Variants in NAV2 observed in about 807,000 individuals in gnomAD.
NAV2 encodes neuron navigator 2, also known as helicase, APC down-regulated 1.
Under a neutral mutation model 223.2 loss-of-function variants are expected in NAV2, and 54 were observed. That is an observed-to-expected ratio of 0.24 (90% confidence interval 0.19 to 0.30). The LOEUF (loss-of-function observed/expected upper bound fraction) is 0.30. Ranked by LOEUF, NAV2 falls within the 10% of genes least tolerant of loss-of-function variation. NAV2 has a pLI of 1.00. For missense variants in NAV2, 2,806 were observed against 3,147.5 expected (o/e 0.89, Z 2.60); for synonymous variants, 1,279 against 1,239.3 (o/e 1.03, Z -0.67).
At chr11:19,529,372 GTACAGCTGCTCC>G (rs1435835854) in intron 1 of NAV2, among the ~76,000 whole-genome samples, 1 of 152,186 alleles carries the variant, frequency 6.6e-6, no homozygotes, top group Non-Finnish European at 1.5e-5. Flanking sequence ...AGTGCTGGGG[GTACAGCTGCTCC>G]CTGAGAGAGT....
chr11:19,744,579 A>T (rs2053172299), intron 1 of NAV2, among the ~76,000 whole-genome samples: 1 of 151,910 alleles, frequency 6.6e-6, no homozygotes, highest in Non-Finnish European at 1.5e-5. Flanking sequence ...TTTTTTTTAA[A>T]GATTTGTGAC....
intron 1 of NAV2, among the ~76,000 whole-genome samples, chr11:19,566,037 A>ATTT (rs1185960322): frequency 2.5e-4 from 13 of 51,100 alleles, no homozygotes; most frequent in Non-Finnish European, 6.0e-4. Flanking sequence ...AGGAGATTTT[A>ATTT]TTTTATTTTA....
chr11:19,907,011 A>G (rs1032832398), intron 6 of NAV2, among the ~76,000 whole-genome samples: 3 of 152,150 alleles, frequency 2.0e-5, no homozygotes, highest in Non-Finnish European at 4.4e-5. Context: ...TGTGGCTTTG[A>G]TGGGTCATTT....
intron 11 of NAV2, among the ~76,000 whole-genome samples, chr11:20,035,530 A>G (rs2056263519): frequency 6.6e-6 from 1 of 152,148 alleles, no homozygotes; most frequent in Admixed American, 6.5e-5. Context: ...TGCAGAAGTC[A>G]TACAGCAGCT....
rs919495502 is a variant in NAV2, at chr11:20,035,491, G to A, written c.2769-468G>A. 5.9e-5 allele frequency among the ~76,000 whole-genome samples: 9 copies of A among 152,166 alleles called. No individual in the cohort carries two copies. The South Asian group carries it at 1.2e-3, about 21-fold the overall frequency. On this transcript the variant is annotated intron_variant, in intron 11 of 37. Coordinates refer to ENST00000349880, the MANE Select transcript of NAV2 (RefSeq NM_145117.5). Reference sequence around the variant, plus strand: ...CTCCTAACTGTTGCCGCTCTCCCTCGCTCGGCGTTTCATTCCAGGAGTGAA... The same window carrying A: ...CTCCTAACTGTTGCCGCTCTCCCTCACTCGGCGTTTCATTCCAGGAGTGAA...
intron 6 of NAV2, among the ~76,000 whole-genome samples, chr11:19,927,055 G>A (rs1321822061): frequency 1.3e-5 from 2 of 152,186 alleles, no homozygotes; most frequent in African/African-American, 2.4e-5. Flanking sequence ...GTTAAGGCTG[G>A]TTGCCAGAAA....
At chr11:20,054,885 G>C (rs952919503) in intron 18 of NAV2, among the ~76,000 whole-genome samples, 4 of 152,136 alleles carry the variant, frequency 2.6e-5, no homozygotes, top group Non-Finnish European at 5.9e-5. Flanking sequence ...GAGTAAAAGA[G>C]AACAATCCAG....
chr11:19,535,422 C>T (rs1340051574), intron 1 of NAV2, among the ~76,000 whole-genome samples: 1 of 152,154 alleles, frequency 6.6e-6, no homozygotes, highest in East Asian at 1.9e-4. Flanking sequence ...GGTTCACTCA[C>T]CAGCTCACAG....
intron 1 of NAV2, among the ~76,000 whole-genome samples, chr11:19,752,465 A>C (rs2053910018): frequency 6.6e-6 from 1 of 152,222 alleles, no homozygotes; most frequent in Non-Finnish European, 1.5e-5. Flanking sequence ...GGATGGGAAA[A>C]GGATGATTAA....
At chr11:19,518,463 A>C (rs1271591939) in intron 1 of NAV2, 1 of 151,952 alleles carries the variant, frequency 6.6e-6, no homozygotes, top group Admixed American at 6.6e-5. Flanking sequence ...ACATTACTCC[A>C]CCTCCAACCA....
chr11:19,863,818 A>G (rs888446510), intron 3 of NAV2, among the ~76,000 whole-genome samples: 5 of 152,134 alleles, frequency 3.3e-5, no homozygotes, highest in African/African-American at 1.2e-4. Context: ...AAGGTTGGGG[A>G]TTATGTCTGT....
At position 20,074,760 on chromosome 11, in the gene NAV2, C is replaced by CCTTTTTTTT. The variant is rs56895607; in HGVS notation, c.4984-2792_4984-2791insCTTTTTTTT. ...ATTGGAGACTAGGATTGCAACTCTG[C>CCTTTTTTTT]TTTTTTTTTTTTTTTTGCTTTCCAT... On this transcript the variant is annotated intron_variant, in intron 22 of 37. Transcript: ENST00000349880. Among the ~76,000 whole-genome samples the CCTTTTTTTT allele has an allele frequency of 1.6e-3, 176 of 110,206 alleles. 7 individuals are homozygous for CCTTTTTTTT. The highest frequency in any genetic ancestry group is 4.2e-3 in the South Asian group (12 of 2,862). The allele number at this position is 110,206 out of a possible 152,430, so 72.3% of individuals were successfully genotyped here.
At position 19,463,927 on chromosome 11, in the gene NAV2, G is replaced by A. The variant is rs560242349; in HGVS notation, c.75+112900G>A. Among the ~76,000 whole-genome samples the A allele has an allele frequency of 4.6e-5, 7 of 152,280 alleles. No individual in the cohort carries two copies. In the East Asian group the frequency reaches 1.4e-3, roughly 29 times the overall value. On this transcript the variant is annotated intron_variant, in intron 1 of 37. Coordinates refer to the NAV2 transcript ENST00000360655. ...ACCCTCACCATGCCCCAGGGAGCAG[G>A]CAGGTGAGTGTCTGCCATGCTGCAC...
chr11:19,722,676 A>T (rs2050847585), intron 1 of NAV2, among the ~76,000 whole-genome samples: 1 of 152,200 alleles, frequency 6.6e-6, no homozygotes, highest in East Asian at 1.9e-4. Context: ...AGAAGAAAAG[A>T]AGGGTAAGGG....
chr11:19,428,468 G>T (rs1340021507), intron 1 of NAV2, among the ~76,000 whole-genome samples: 1 of 152,138 alleles, frequency 6.6e-6, no homozygotes, highest in African/African-American at 2.4e-5. Context: ...GCATTTAATT[G>T]GTTTCGCATC....
chr11:19,626,717 G>A (rs1397080353), intron 1 of NAV2, among the ~76,000 whole-genome samples: 2 of 152,076 alleles, frequency 1.3e-5, no homozygotes, highest in African/African-American at 4.8e-5. Flanking sequence ...TCACTGTTTT[G>A]TAGTTTTCCA....
At chr11:20,006,236 A>T (rs1393325632) in intron 11 of NAV2, among the ~76,000 whole-genome samples, 2 of 152,162 alleles carry the variant, frequency 1.3e-5, no homozygotes, top group Non-Finnish European at 2.9e-5. Context: ...TTGATTATAG[A>T]CAAAGCAGAC....
chr11:19,825,111 G>A (rs995419587), intron 1 of NAV2, among the ~76,000 whole-genome samples: 1 of 151,808 alleles, frequency 6.6e-6, no homozygotes, highest in African/African-American at 2.4e-5. Context: ...GGCCAACATG[G>A]TGAAACCCCA....
At chr11:19,593,533 T>C (rs75173885) in intron 1 of NAV2, among the ~76,000 whole-genome samples, 6,818 of 152,336 alleles carry the variant, frequency 0.045, 251 homozygotes, top group Middle Eastern at 0.071. Context: ...CAAATATAAG[T>C]CTTCATCTCA....
Sources: gnomAD v4.1 joint callset for allele counts (sites outside exome capture counted in the v4.1 genomes callset) on GRCh38, gnomAD v4.1.1 for gene constraint, MANE v1.5 for transcripts, NCBI Gene and HGNC (gene_info 2026-07-23, HGNC 2026-07-21) for gene names.